NCOA6: variants seen among roughly 807,000 people sequenced by gnomAD.
NCOA6 encodes NRC RAP250.
NCOA6 carries 49 observed loss-of-function variants against 171.4 expected under a neutral mutation model. The observed-to-expected ratio is 0.29, with a 90% CI of 0.23 to 0.36. The LOEUF is 0.36. Among genes scored for constraint, NCOA6 ranks in the 10% least tolerant of loss-of-function variants. The pLI is 1.00. For missense variants in NCOA6, 2,248 were observed against 2,554.5 expected, an observed-to-expected ratio of 0.88 and a Z score of 2.59; for synonymous variants, 910 against 927.5, an observed-to-expected ratio of 0.98 and a Z score of 0.34.
At chr20:34,803,984 A>AC (rs2078351464) in intron 1 of NCOA6, among the ~76,000 whole-genome samples, 2 of 151,202 alleles carry the variant, frequency 1.3e-5, no homozygotes, top group Admixed American at 1.3e-4. Context: ...ACCGTTTAAA[A>AC]AAAAAAACAA....
At chr20:34,772,997 T>C (rs574198721) in intron 4 of NCOA6, among the ~76,000 whole-genome samples, 1 of 152,318 alleles carries the variant, frequency 6.6e-6, no homozygotes, top group East Asian at 1.9e-4. Context: ...ATATGCTAAT[T>C]TGTGTCAAAG....
chr20:34,747,505 T>TA (rs1410954741), intron 9 of NCOA6, among the ~76,000 whole-genome samples: 5 of 152,222 alleles, frequency 3.3e-5, no homozygotes, highest in Non-Finnish European at 7.3e-5. Context: ...TACCTGGGTG[T>TA]AGCTTAAAAT....
chr20:34,736,514 TA>T (rs1420562107), intron 12 of NCOA6, among the ~76,000 whole-genome samples, 175 bp downstream of exon 12: 1 of 152,014 alleles, frequency 6.6e-6, no homozygotes, highest in Admixed American at 6.6e-5. Context: ...GGGGGGAAAA[TA>T]ATCTCAAGTA....
chr20:34,775,718 T>C (rs1436351952), intron 4 of NCOA6, among the ~76,000 whole-genome samples: 1 of 146,416 alleles, frequency 6.8e-6, no homozygotes, highest in Non-Finnish European at 1.5e-5. Flanking sequence ...AGAAAATGAA[T>C]GCTGCTACAA....
intron 1 of NCOA6, among the ~76,000 whole-genome samples, chr20:34,816,766 C>T (rs1344657457): frequency 6.6e-6 from 1 of 151,850 alleles, no homozygotes; most frequent in Non-Finnish European, 1.5e-5. Flanking sequence ...TGCACCACTG[C>T]ACTCCAGCCT....
At chr20:34,730,272 T>A (rs1051484342) in intron 13 of NCOA6, among the ~76,000 whole-genome samples, 1 of 151,776 alleles carries the variant, frequency 6.6e-6, no homozygotes, top group African/African-American at 2.4e-5. Flanking sequence ...TTTTTTTTCA[T>A]AGAGACAGGG....
At chr20:34,796,003 A>ATTTTTTTTT (rs569229378) in intron 1 of NCOA6, among the ~76,000 whole-genome samples, 2 of 95,764 alleles carry the variant, frequency 2.1e-5, no homozygotes, top group African/African-American at 4.3e-5. Context: ...ATATGTTTGA[A>ATTTTTTTTT]TTTTTTTTTT....
rs1409577538 is a variant in NCOA6 at position 34,821,981 on chromosome 20, C to T, written c.-164+3491G>A. 2.0e-5 allele frequency among the ~76,000 whole-genome samples: 3 copies of T among 152,166 alleles called. No individual in the cohort carries two copies. In the East Asian group the frequency reaches 5.8e-4, roughly 29 times the overall value. The stretch of plus-strand genomic sequence containing the variant: ...AGCCACTCACAATGTCAATAATCAA[C>T]ACCTGCAAATTCTAACTCCACTCAA... On this transcript the variant is annotated intron_variant, in intron 1 of 14. Transcript: ENST00000359003.
intron 8 of NCOA6, 107 bp from the exon 9 acceptor site, chr20:34,750,626 C>G (rs140671370): frequency 8.5e-7 from 1 of 1,176,564 alleles, no homozygotes; most frequent in African/African-American, 1.6e-5. Context: ...CCCTTATATC[C>G]ACTGACCAAC....
At chr20:34,782,475 C>A in intron 2 of NCOA6, 71 bp from the exon 3 acceptor site, 1 of 377,194 alleles carries the variant, frequency 2.7e-6, no homozygotes, top group Non-Finnish European at 4.7e-6. Flanking sequence ...ATTCATAGTT[C>A]TATGAAAATT....
chr20:34,779,427 T>C (rs1486200876), intron 3 of NCOA6, among the ~76,000 whole-genome samples: 1 of 152,100 alleles, frequency 6.6e-6, no homozygotes, highest in African/African-American at 2.4e-5. Flanking sequence ...GGTGGGAGAA[T>C]TGCTTGAGCC....
intron 1 of NCOA6, among the ~76,000 whole-genome samples, chr20:34,822,706 G>C (rs2079044185): frequency 6.6e-6 from 1 of 152,206 alleles, no homozygotes; most frequent in South Asian, 2.1e-4. Flanking sequence ...TTGAGGCACA[G>C]TAAACGTTTG....
At chr20:34,715,399 G>T in intron 14 of NCOA6, 34 bp from the exon 15 acceptor site, 1 of 1,531,710 alleles carries the variant, frequency 6.5e-7, no homozygotes, top group Non-Finnish European at 9.0e-7. Flanking sequence ...TTCAGTGGAA[G>T]TAACTCTTTA....
intron 6 of NCOA6, 123 bp downstream of exon 6, chr20:34,758,682 T>C (rs761179770): frequency 7.7e-7 from 1 of 1,294,340 alleles, no homozygotes. Context: ...GGTCAGATTT[T>C]GTAAAGAAGG....
chr20:34,738,832 G>A (rs1447110364), intron 11 of NCOA6: 1 of 454,820 alleles, frequency 2.2e-6, no homozygotes, highest in Non-Finnish European at 4.4e-6. Flanking sequence ...GGTAACCAGT[G>A]GGCTAGAATT....
rs542425420 is a variant in NCOA6, at chr20:34,742,345, T to G, written c.3911A>C (p.Lys1304Thr). 9.3e-6 allele frequency: 15 copies of G among 1,614,038 alleles called. No individual in the cohort carries two copies. The highest frequency in any genetic ancestry group is 1.3e-5 in the Non-Finnish European group (15 of 1,180,040). The change falls in exon 11 of 15, where the codon AAA becomes ACA. Residue 1304 changes from lysine (K) to threonine (T), a missense_variant. By Grantham distance (78) the Lys-to-Thr change is moderately conservative. Around this residue, in one of 7 missense-constraint regions of NCOA6, gnomAD observed 884 missense variants for 941.9 expected, o/e 0.94. Coordinates refer to ENST00000359003, the MANE Select transcript of NCOA6 (RefSeq NM_014071.5). The part of the protein sequence containing the change: ...PSNFATPQTH[K>T]LDSVVVNSGK... ...AGAATTCACTACCACAGAATCTAAT[T>G]TGTGAGTTTGTGGGGTAGCAAAATT... is the stretch of plus-strand genomic sequence containing the variant.
intron 1 of NCOA6, among the ~76,000 whole-genome samples, chr20:34,796,003 A>ATTTTTTTTTTTTTT (rs569229378): frequency 2.1e-5 from 2 of 95,766 alleles, no homozygotes; most frequent in Non-Finnish European, 2.0e-5. Flanking sequence ...ATATGTTTGA[A>ATTTTTTTTTTTTTT]TTTTTTTTTT....
At chr20:34,809,352 C>T (rs1345152501) in intron 1 of NCOA6, 2 of 396,334 alleles carry the variant, frequency 5.0e-6, no homozygotes, top group Non-Finnish European at 4.4e-6. Context: ...GATCAAAATG[C>T]CTCCTTTTTA....
rs770259571 is a variant in NCOA6, at chr20:34,776,325, C to T, written c.359G>A (p.Arg120Gln). The change falls in exon 4 of 15, where the codon CGG becomes CAG. Residue 120 changes from arginine (R) to glutamine (Q), a missense_variant. By Grantham distance (43) the Arg-to-Gln change is conservative (BLOSUM62 1). Coordinates refer to ENST00000359003, the MANE Select transcript of NCOA6 (RefSeq NM_014071.5). ...ILAQSNNQQLRDLGILSVQIE... is the reference protein window; with the variant it reads ...ILAQSNNQQLQDLGILSVQIE... Reference sequence around the variant, plus strand: ...CTGAACGGAGAGAATCCCTAAATCCCGAAGCTGCTGGTTGTTGCTCTGAGC... The same window carrying T: ...CTGAACGGAGAGAATCCCTAAATCCTGAAGCTGCTGGTTGTTGCTCTGAGC... The T allele has an allele frequency of 8.1e-6, 13 of 1,613,794 alleles. No homozygotes were observed. Among genetic ancestry groups the T allele is most frequent in the East Asian group, 6.7e-5 (3 of 44,898 alleles).
Sources: allele counts gnomAD v4.1 joint callset (sites outside exome capture counted in the v4.1 genomes callset), GRCh38; gene constraint gnomAD v4.1.1; regional missense constraint gnomAD v4.1.1; transcripts MANE v1.5; gene names NCBI Gene and HGNC (gene_info 2026-07-23, HGNC 2026-07-21).